The following LARS2 variants were observed in gnomAD, a reference collection of about 807,000 sequenced individuals.
The protein encoded by LARS2 is leucyl-tRNA synthetase 2, mitochondrial.
LARS2 carries 81 observed loss-of-function variants against 116.6 expected under a neutral mutation model. The ratio of observed to expected loss-of-function variants is 0.69; its 90% CI spans 0.58 to 0.84. The LOEUF is 0.84. LARS2 is among the 40% of genes least tolerant of loss of function. LARS2 has a pLI of 0.00. For missense variants in LARS2, 968 were observed against 1,114.5 expected, an observed-to-expected ratio of 0.87 and a Z score of 1.87; for synonymous variants, 396 against 407.2, an observed-to-expected ratio of 0.97 and a Z score of 0.33.
At chr3:45,536,408 C>G (rs1700705802) in intron 20 of LARS2, among the ~76,000 whole-genome samples, 1 of 152,222 alleles carries the variant, frequency 6.6e-6, no homozygotes, top group Non-Finnish European at 1.5e-5. Flanking sequence ...CACACCTGGT[C>G]TGAAGAAGGT....
intron 12 of LARS2, among the ~76,000 whole-genome samples, chr3:45,490,510 TAGG>T (rs1322480840): frequency 6.6e-6 from 1 of 152,236 alleles, no homozygotes; most frequent in African/African-American, 2.4e-5. Flanking sequence ...ACAGTGGTGT[TAGG>T]AGAAGACTGA....
intron 6 of LARS2, among the ~76,000 whole-genome samples, chr3:45,420,509 C>T (rs149358699): frequency 3.0e-4 from 46 of 152,290 alleles, no homozygotes; most frequent in African/African-American, 1.1e-3. Flanking sequence ...ACTAGAAGCA[C>T]TGGAACAAAT....
chr3:45,489,226 T>G (rs1029344759), intron 12 of LARS2, among the ~76,000 whole-genome samples: 19 of 152,190 alleles, frequency 1.2e-4, no homozygotes, highest in African/African-American at 4.6e-4. Flanking sequence ...TCATGTTTAT[T>G]TGGTCAGGGT....
At chr3:45,436,061 G>A (rs541288489) in intron 6 of LARS2, among the ~76,000 whole-genome samples, 7 of 151,972 alleles carry the variant, frequency 4.6e-5, no homozygotes, top group Admixed American at 1.3e-4. Context: ...TCCGTGTCAC[G>A]TATGAAATAT....
intron 10 of LARS2, among the ~76,000 whole-genome samples, chr3:45,481,665 C>A (rs1326200528): frequency 6.6e-6 from 1 of 151,980 alleles, no homozygotes; most frequent in Non-Finnish European, 1.5e-5. Context: ...AGTTCTCTTG[C>A]CCCTTTTAAA....
chr3:45,535,943 C>T (rs189673363), intron 20 of LARS2, among the ~76,000 whole-genome samples: 53 of 152,248 alleles, frequency 3.5e-4, no homozygotes, highest in African/African-American at 1.2e-3. Context: ...ACCTCCTGAA[C>T]ATTTCTTTGT....
chr3:45,538,223 C>G (rs1328939854), intron 20 of LARS2: 2 of 152,242 alleles, frequency 1.3e-5, no homozygotes, highest in Non-Finnish European at 2.9e-5. Flanking sequence ...GGGGCCCAGG[C>G]TACTATAAAT....
chr3:45,438,662 A>G (rs1437018191), intron 6 of LARS2, among the ~76,000 whole-genome samples: 1 of 40,898 alleles, frequency 2.4e-5, no homozygotes, highest in Non-Finnish European at 9.6e-5. Flanking sequence ...TACTAAAAAT[A>G]CCAAAAAAAA....
intron 4 of LARS2, among the ~76,000 whole-genome samples, chr3:45,415,126 C>T (rs767615082): frequency 1.7e-4 from 26 of 152,176 alleles, no homozygotes; most frequent in Non-Finnish European, 3.2e-4. Context: ...ACAAGAATGC[C>T]TTACTGGCCT....
At chr3:45,491,292 C>T (rs1699910317) in intron 12 of LARS2, among the ~76,000 whole-genome samples, 1 of 152,160 alleles carries the variant, frequency 6.6e-6, no homozygotes. Flanking sequence ...TTATATTTGT[C>T]TTTATATTGA....
intron 13 of LARS2, chr3:45,495,320 C>T (rs191580640): frequency 3.3e-5 from 5 of 152,290 alleles, no homozygotes; most frequent in Admixed American, 3.3e-4. Context: ...TGCCAATTTC[C>T]GTGATGTACA....
chr3:45,433,152 T>C (rs1159633228), intron 6 of LARS2, among the ~76,000 whole-genome samples: 1 of 152,052 alleles, frequency 6.6e-6, no homozygotes, highest in Non-Finnish European at 1.5e-5. Context: ...ACTTATTATA[T>C]TTGAAGTGGG....
chr3:45,533,185 CTG>C (rs974848494), intron 20 of LARS2, among the ~76,000 whole-genome samples: 1 of 92,958 alleles, frequency 1.1e-5, no homozygotes, highest in African/African-American at 4.3e-5. Context: ...GAGTCTTGCT[CTG>C]TCGCCCAGGC....
chr3:45,538,596 A>G (rs1013416264), intron 20 of LARS2: 1 of 152,294 alleles, frequency 6.6e-6, no homozygotes, highest in Admixed American at 6.5e-5. Context: ...GCCCCGGGCC[A>G]CAGGAACCAT....
chr3:45,400,570 G>A (rs1242288232), intron 4 of LARS2, among the ~76,000 whole-genome samples, 197 bp downstream of exon 4: 1 of 152,210 alleles, frequency 6.6e-6, no homozygotes, highest in African/African-American at 2.4e-5. Context: ...TAATTGGGGG[G>A]CAGCCATGAG....
chr3:45,397,188 A>G (rs552593687), intron 3 of LARS2, among the ~76,000 whole-genome samples: 13 of 152,324 alleles, frequency 8.5e-5, no homozygotes, highest in African/African-American at 3.1e-4. Flanking sequence ...ACTTTTATAT[A>G]ATTATGAAAA....
chr3:45,457,948 A>G (rs928895819), intron 7 of LARS2, among the ~76,000 whole-genome samples: 7 of 152,212 alleles, frequency 4.6e-5, no homozygotes, highest in African/African-American at 1.7e-4. Context: ...CAGAAGAGCT[A>G]CCATTGTGGG....
chr3:45,458,730 A>G lies in LARS2; in HGVS notation c.607-13A>G, dbSNP rs909767173. ...TCACCAGATTGTGCCATTTTGTTTC[A>G]TGAATTATACAGGCCCTGGTTAACT... On this transcript the variant is annotated splice_polypyrimidine_tract_variant and intron_variant, in intron 7 of 21. Coordinates refer to ENST00000645846, the MANE Select transcript of LARS2 (RefSeq NM_015340.4). 1.9e-6 allele frequency: 3 copies of G among 1,613,608 alleles called. No individual in the cohort carries two copies. The highest frequency in any genetic ancestry group is 1.7e-6 in the Non-Finnish European group (2 of 1,179,792).
intron 10 of LARS2, 67 bp from the exon 11 acceptor site, chr3:45,485,625 T>G: frequency 1.2e-6 from 1 of 843,750 alleles, no homozygotes; most frequent in Non-Finnish European, 1.9e-6. Flanking sequence ...ACTTGTTTCC[T>G]CTGAGATTCA....
Sources: allele counts gnomAD v4.1 joint callset (sites outside exome capture counted in the v4.1 genomes callset), GRCh38; gene constraint gnomAD v4.1.1; transcripts MANE v1.5; gene names NCBI Gene and HGNC (gene_info 2026-07-23, HGNC 2026-07-21).